Variants in PTPRD observed in about 807,000 individuals in gnomAD.
PTPRD encodes receptor-type tyrosine-protein phosphatase delta.
Under a neutral mutation model 214.5 loss-of-function variants are expected in PTPRD, and 34 were observed. That is an observed-to-expected ratio of 0.16 (90% CI 0.12 to 0.21). The LOEUF is 0.21. PTPRD is among the 10% of genes least tolerant of loss of function. PTPRD has a pLI of 1.00. For synonymous variants in PTPRD, 1,128 were observed against 845.7 expected, an observed-to-expected ratio of 1.33 and a Z score of -5.79; for missense variants, 2,545 against 2,398.7, an observed-to-expected ratio of 1.06 and a Z score of -1.27.
chr9:8,945,809 G>A (rs569275383), intron 11 of PTPRD, among the ~76,000 whole-genome samples: 1 of 152,176 alleles, frequency 6.6e-6, no homozygotes, highest in African/African-American at 2.4e-5. Context: ...CTTTCCATCA[G>A]CTAAACCAAA....
intron 5 of PTPRD, among the ~76,000 whole-genome samples, chr9:9,829,406 T>C (rs2153599246): frequency 6.6e-6 from 1 of 152,000 alleles, no homozygotes; most frequent in South Asian, 2.1e-4. Flanking sequence ...AATAAATGTA[T>C]ACAAGCACAG....
Position 9,272,415 on chromosome 9 carries a change from A to C in PTPRD, c.-202-89052T>G, listed in dbSNP as rs895519016. Among the ~76,000 whole-genome samples, 3 of 151,336 alleles carry C rather than the reference A, an allele frequency of 2.0e-5. No individual in the cohort carries two copies. The Admixed American group carries it at 2.0e-4, about 10-fold the overall frequency. On this transcript the variant is annotated intron_variant, in intron 9 of 45. Coordinates refer to ENST00000381196, the MANE Select transcript of PTPRD (RefSeq NM_002839.4). ...TTGAAACTACTATTTAACTACAAGCAGTACTGTTGGGTACTGACTTAATAT... is the reference window on the plus strand; with the variant it reads ...TTGAAACTACTATTTAACTACAAGCCGTACTGTTGGGTACTGACTTAATAT...
chr9:9,680,355 G>A (rs1057038090), intron 7 of PTPRD, among the ~76,000 whole-genome samples: 74 of 151,768 alleles, frequency 4.9e-4, no homozygotes, highest in Non-Finnish European at 4.3e-4. Context: ...AAAATAAAAA[G>A]AAAAGCTTAT....
chr9:8,931,146 T>A (rs918087209), intron 11 of PTPRD, among the ~76,000 whole-genome samples: 3 of 151,992 alleles, frequency 2.0e-5, no homozygotes, highest in Non-Finnish European at 4.4e-5. Context: ...GTATAAGGTG[T>A]AAGGAAGGGA....
intron 2 of PTPRD, among the ~76,000 whole-genome samples, chr9:10,508,738 T>A (rs1338005110): frequency 6.6e-6 from 1 of 151,814 alleles, no homozygotes; most frequent in African/African-American, 2.4e-5. Flanking sequence ...AGGTGGGAAT[T>A]GAACAATGGA....
At chr9:9,137,012 T>C (rs577011602) in intron 10 of PTPRD, among the ~76,000 whole-genome samples, 2 of 152,282 alleles carry the variant, frequency 1.3e-5, no homozygotes, top group East Asian at 1.9e-4. Context: ...TATTATTTGG[T>C]CTTTAACTAT....
chr9:8,353,943 T>TGTGTGTGTAC (rs2076306684), intron 39 of PTPRD, among the ~76,000 whole-genome samples: 8 of 66,362 alleles, frequency 1.2e-4, no homozygotes, highest in South Asian at 4.6e-4. Context: ...TGTACATATA[T>TGTGTGTGTAC]ATATATATAT....
At chr9:9,169,544 T>C (rs2099910581) in intron 10 of PTPRD, among the ~76,000 whole-genome samples, 1 of 152,122 alleles carries the variant, frequency 6.6e-6, no homozygotes, top group Admixed American at 6.6e-5. Context: ...ATAAAGAAAG[T>C]CTCTTTACAT....
chr9:8,525,869 C>G (rs529208879), intron 17 of PTPRD, among the ~76,000 whole-genome samples: 1 of 151,780 alleles, frequency 6.6e-6, no homozygotes, highest in African/African-American at 2.4e-5. Flanking sequence ...CACACTGAGT[C>G]GAAGTATGAA....
At chr9:8,674,822 A>C (rs1745142379) in intron 12 of PTPRD, among the ~76,000 whole-genome samples, 1 of 152,124 alleles carries the variant, frequency 6.6e-6, no homozygotes, top group African/African-American at 2.4e-5. Context: ...ACTATTTTCC[A>C]AATTGGGTTG....
intron 8 of PTPRD, among the ~76,000 whole-genome samples, chr9:9,534,792 T>C (rs1218921791): frequency 1.3e-5 from 2 of 152,008 alleles, no homozygotes; most frequent in African/African-American, 2.4e-5. Context: ...TATGTCCTTC[T>C]TATTTTTACT....
intron 9 of PTPRD, among the ~76,000 whole-genome samples, chr9:9,354,269 G>A (rs1259806575): frequency 6.6e-6 from 1 of 151,742 alleles, no homozygotes; most frequent in Non-Finnish European, 1.5e-5. Flanking sequence ...TTTGTACAGG[G>A]ACATGTATGG....
chr9:10,446,798 G>A (rs2098803165), intron 2 of PTPRD, among the ~76,000 whole-genome samples: 1 of 152,068 alleles, frequency 6.6e-6, no homozygotes, highest in South Asian at 2.1e-4. Flanking sequence ...AAAGGAAACT[G>A]GATCCATGAA....
At chr9:9,338,468 T>G (rs1228905381) in intron 9 of PTPRD, among the ~76,000 whole-genome samples, 2 of 152,180 alleles carry the variant, frequency 1.3e-5, no homozygotes, top group African/African-American at 4.8e-5. Context: ...GTTTTTTTAG[T>G]TAAAAAACAT....
chr9:8,920,895 C>A (rs1372985049), intron 11 of PTPRD, among the ~76,000 whole-genome samples: 1 of 152,168 alleles, frequency 6.6e-6, no homozygotes, highest in South Asian at 2.1e-4. Context: ...CTCACCACAA[C>A]CTCTGCCGCA....
At chr9:8,659,719 T>C (rs1224160647) in intron 12 of PTPRD, among the ~76,000 whole-genome samples, 1 of 152,180 alleles carries the variant, frequency 6.6e-6, no homozygotes, top group Admixed American at 6.5e-5. Flanking sequence ...TTCACAGCCA[T>C]TTCATCATTT....
chr9:10,295,140 T>C (rs2154402722), intron 3 of PTPRD, among the ~76,000 whole-genome samples: 1 of 152,200 alleles, frequency 6.6e-6, no homozygotes, highest in Middle Eastern at 3.4e-3. Flanking sequence ...TGCCTTAATG[T>C]CTATTTTTGC....
chr9:8,802,754 C>G (rs923609612), intron 11 of PTPRD, among the ~76,000 whole-genome samples: 1 of 152,170 alleles, frequency 6.6e-6, no homozygotes, highest in African/African-American at 2.4e-5. Flanking sequence ...ATTGCCTCAT[C>G]TTTAAAATGG....
intron 12 of PTPRD, among the ~76,000 whole-genome samples, chr9:8,733,005 G>A (rs1028275786): frequency 1.3e-5 from 2 of 152,170 alleles, no homozygotes; most frequent in Non-Finnish European, 2.9e-5. Flanking sequence ...GGGAGTACAA[G>A]GCCGAGACAT....
Sources: gnomAD v4.1 joint callset for allele counts (sites outside exome capture counted in the v4.1 genomes callset) on GRCh38, gnomAD v4.1.1 for gene constraint, MANE v1.5 for transcripts, NCBI Gene and HGNC (gene_info 2026-07-23, HGNC 2026-07-21) for gene names.